The following MYO5B variants were observed in gnomAD, a reference collection of about 807,000 sequenced individuals.
The protein encoded by MYO5B is myosin VB.
In MYO5B, 143 loss-of-function variants were observed where a neutral mutation model predicts 229.3. That is an observed-to-expected ratio of 0.62 (90% CI 0.54 to 0.72). The LOEUF is 0.72. Among genes scored for constraint, MYO5B ranks in the 30% least tolerant of loss-of-function variants. MYO5B has a pLI of 0.00. For synonymous variants in MYO5B, 918 were observed against 885.2 expected (o/e 1.04, Z -0.66); for missense variants, 2,321 against 2,331.0 (o/e 1.00, Z 0.09).
At chr18:50,008,014 GT>G (rs879769189) in intron 4 of MYO5B, among the ~76,000 whole-genome samples, 1 of 152,054 alleles carries the variant, frequency 6.6e-6, no homozygotes, top group Non-Finnish European at 1.5e-5. Context: ...TTTCCACCAG[GT>G]TATGCTGGTG....
chr18:49,890,182 C>A (rs1423320386), intron 22 of MYO5B, among the ~76,000 whole-genome samples: 1 of 152,224 alleles, frequency 6.6e-6, no homozygotes, highest in East Asian at 1.9e-4. Context: ...AGCCAGCTAA[C>A]ACAGCTGTTG....
Position 49,895,111 on chromosome 18 carries a change from C to T in MYO5B, c.2875G>A (p.Val959Ile), listed in dbSNP as rs1404964121. 8 of 1,614,206 alleles carry T rather than the reference C, an allele frequency of 5.0e-6. No individual in the cohort carries two copies. The East Asian group carries it at 1.6e-4, about 31-fold the overall frequency. ...ACCAGCTCCTTCTTCAGCCGCTCTA[C>T]CTCCATGGTGTATGTTGAGGTGGTC... ...SVTTSTYTMEVERLKKELVHY... is the reference protein window; with the variant it reads ...SVTTSTYTMEIERLKKELVHY... Residue 959 changes from valine to isoleucine, a missense_variant, in exon 22 of 40, where the codon GTA (valine) becomes ATA (isoleucine). Val to Ile is a conservative substitution (Grantham distance 29, BLOSUM62 3). Coordinates refer to ENST00000285039, the MANE Select transcript of MYO5B (RefSeq NM_001080467.3).
At chr18:49,997,321 T>A (rs61547865) in intron 5 of MYO5B, among the ~76,000 whole-genome samples, 1 of 143,716 alleles carries the variant, frequency 7.0e-6, no homozygotes, top group Non-Finnish European at 1.5e-5. Flanking sequence ...ATAACATATC[T>A]GGTCTTCATC....
intron 1 of MYO5B, among the ~76,000 whole-genome samples, chr18:50,172,288 C>CAAAAAAAAAAAAAAAA (rs55973734): frequency 1.1e-5 from 1 of 90,502 alleles, no homozygotes; most frequent in Non-Finnish European, 2.2e-5. Flanking sequence ...CAAAAAAAGA[C>CAAAAAAAAAAAAAAAA]AAAAAAAAAA....
chr18:50,142,505 G>A (rs871622), intron 1 of MYO5B, among the ~76,000 whole-genome samples: 17,618 of 152,164 alleles, frequency 0.12, 1,154 homozygotes, highest in East Asian at 0.24. Flanking sequence ...CTCTGACAAG[G>A]GCTGAAGGGG....
rs577943242 is a variant in MYO5B, at chr18:50,052,221, C to T, written c.138+3047G>A. Among the ~76,000 whole-genome samples the T allele has an allele frequency of 9.0e-3, 1,365 of 152,176 alleles. 16 individuals carry two copies. Among genetic ancestry groups the T allele is most frequent in the African/African-American group, 0.03 (1,264 of 41,484 alleles). On this transcript the variant is annotated intron_variant, in intron 2 of 39. Coordinates refer to ENST00000285039, the MANE Select transcript of MYO5B (RefSeq NM_001080467.3). Reference sequence around the variant, plus strand: ...CATTACTGGGTATATACCAAAAGGACTATAAATCATGCTGCTATAAAGACA... The same window carrying T: ...CATTACTGGGTATATACCAAAAGGATTATAAATCATGCTGCTATAAAGACA...
chr18:50,191,329 G>GC (rs1384385946), intron 1 of MYO5B, among the ~76,000 whole-genome samples: 1 of 152,232 alleles, frequency 6.6e-6, no homozygotes, highest in Non-Finnish European at 1.5e-5. Flanking sequence ...GCAAGGTGCA[G>GC]CCCAGCAGCC....
chr18:49,948,743 T>G (rs560880586), intron 14 of MYO5B, among the ~76,000 whole-genome samples: 4 of 152,196 alleles, frequency 2.6e-5, no homozygotes, highest in African/African-American at 9.6e-5. Context: ...TTGTCATTCC[T>G]TGACAAGCTG....
chr18:50,139,288 A>G (rs916859067), intron 1 of MYO5B, among the ~76,000 whole-genome samples: 1 of 152,220 alleles, frequency 6.6e-6, no homozygotes, highest in Non-Finnish European at 1.5e-5. Flanking sequence ...TGACTCAGTC[A>G]TGCTACAAAG....
chr18:50,075,270 A>C (rs966434018), intron 1 of MYO5B, among the ~76,000 whole-genome samples: 1 of 152,096 alleles, frequency 6.6e-6, no homozygotes, highest in Non-Finnish European at 1.5e-5. Context: ...GGAAGACTGG[A>C]GAGACTTCAC....
At chr18:50,072,644 T>C (rs373676786) in intron 1 of MYO5B, among the ~76,000 whole-genome samples, 49 of 152,324 alleles carry the variant, frequency 3.2e-4, no homozygotes, top group African/African-American at 1.2e-3. Flanking sequence ...CCAGGCACTA[T>C]GGTGCATTCT....
In MYO5B at chr18:49,962,990, T is replaced by C. The variant is rs1189925980; in HGVS notation, c.1363A>G (p.Ile455Val). 3.1e-6 allele frequency: 5 copies of C among 1,614,094 alleles called. No individual in the cohort carries two copies. The highest frequency in any genetic ancestry group is 1.1e-5 in the South Asian group (1 of 91,080). ...FEVNSFEQFCINYANEKLQQQ... is the reference protein window; with the variant it reads ...FEVNSFEQFCVNYANEKLQQQ... ...TGGAGCTTTTCATTTGCATAGTTGA[T>C]ACAGAACTGCTCAAAGCTGTTTACC... Residue 455 changes from isoleucine (I) to valine (V), a missense_variant, in exon 11 of 40, where the codon ATC (isoleucine) becomes GTC (valine). Coordinates refer to ENST00000285039, the MANE Select transcript of MYO5B (RefSeq NM_001080467.3).
chr18:50,148,295 A>G (rs201424319), intron 1 of MYO5B, among the ~76,000 whole-genome samples: 13,559 of 149,844 alleles, frequency 0.09, 692 homozygotes, highest in East Asian at 0.19. Context: ...AACTATTCCA[A>G]TCAATAGAAA....
Position 49,962,302 on chromosome 18 carries a change from C to G in MYO5B, c.1509G>C (p.Lys503Asn), listed in dbSNP as rs764434204. 3 of 1,614,076 alleles carry G rather than the reference C, an allele frequency of 1.9e-6. No homozygotes were observed. Among genetic ancestry groups the G allele is most frequent in the Non-Finnish European group, 2.5e-6 (3 of 1,180,026 alleles). Residue 503 changes from lysine (K) to asparagine (N), a missense_variant, in exon 12 of 40, where the codon AAG (lysine) becomes AAC (asparagine). Physicochemically the swap from Lys to Asn is moderately conservative, Grantham distance 94. Coordinates refer to ENST00000285039, the MANE Select transcript of MYO5B (RefSeq NM_001080467.3). ...NQPCIDLIEA[K>N]LGILDLLDEE... Reference sequence around the variant, plus strand: ...CATCCAACAGGTCCAAGATACCCAGCTTGGCTTCAATGAGGTCGATACAAG... The same window carrying G: ...CATCCAACAGGTCCAAGATACCCAGGTTGGCTTCAATGAGGTCGATACAAG...
chr18:49,883,576 G>A (rs2024611562), intron 22 of MYO5B, among the ~76,000 whole-genome samples: 1 of 150,044 alleles, frequency 6.7e-6, no homozygotes, highest in Non-Finnish European at 1.5e-5. Flanking sequence ...CAGATTCAAT[G>A]TAATCATTAT....
At chr18:49,988,183 A>AT (rs1239507663) in intron 7 of MYO5B, among the ~76,000 whole-genome samples, 1 of 152,198 alleles carries the variant, frequency 6.6e-6, no homozygotes, top group East Asian at 1.9e-4. Flanking sequence ...GAAGAAGGAT[A>AT]TGAAGCAGGT....
chr18:50,195,071 G>C lies in MYO5B; in HGVS notation c.-278C>G, dbSNP rs2033284987. The C allele has an allele frequency of 3.2e-6, 1 of 313,526 alleles. No homozygotes were observed. Among genetic ancestry groups the C allele is most frequent in the African/African-American group, 2.2e-5 (1 of 45,960 alleles). The allele number at this position is 313,526 out of a possible 1,614,324, so 19.4% of individuals were successfully genotyped here. A position where few individuals can be genotyped will look rare whatever the true frequency, so the allele number is the denominator to read the frequency against. On this transcript the variant is annotated 5_prime_UTR_variant, in exon 1 of 40. Coordinates refer to ENST00000285039, the MANE Select transcript of MYO5B (RefSeq NM_001080467.3). ...GCCGCACCACTCCCCTCCCAGGTGT[G>C]GGGAGGAGGCGAGGGCCGGCGAGGA...
intron 1 of MYO5B, among the ~76,000 whole-genome samples, chr18:50,065,232 C>T (rs1254940818): frequency 6.6e-6 from 1 of 152,168 alleles, no homozygotes; most frequent in African/African-American, 2.4e-5. Context: ...TCACCTAATC[C>T]TCTACAAGTA....
chr18:50,137,041 T>C (rs796491252), intron 1 of MYO5B, among the ~76,000 whole-genome samples: 16 of 152,360 alleles, frequency 1.1e-4, no homozygotes, highest in African/African-American at 3.4e-4. Flanking sequence ...TGCTTACTTT[T>C]ATGTCCCTCA....
Sources: allele counts gnomAD v4.1 joint callset (sites outside exome capture counted in the v4.1 genomes callset), GRCh38; gene constraint gnomAD v4.1.1; transcripts MANE v1.5; gene names NCBI Gene and HGNC (gene_info 2026-07-23, HGNC 2026-07-21).